The following FAM110B variants were observed in gnomAD, a reference collection of about 807,000 sequenced individuals.
The protein encoded by FAM110B is family with sequence similarity 110 member B.
FAM110B carries 6 observed loss-of-function variants against 20.4 expected under a neutral mutation model. The observed-to-expected ratio is 0.29, with a 90% CI of 0.16 to 0.58. The LOEUF (loss-of-function observed/expected upper bound fraction) is 0.58. Among genes scored for constraint, FAM110B ranks in the 20% least tolerant of loss-of-function variants. FAM110B has a pLI of 0.90. For missense variants in FAM110B, 434 were observed against 498.2 expected, an observed-to-expected ratio of 0.87 and a Z score of 1.23; for synonymous variants, 226 against 214.1, an observed-to-expected ratio of 1.06 and a Z score of -0.49.
intron 3 of FAM110B, among the ~76,000 whole-genome samples, chr8:58,098,758 A>G (rs1806698820): frequency 1.3e-5 from 2 of 151,678 alleles, no homozygotes; most frequent in South Asian, 4.2e-4. Context: ...ATAGCCCCTC[A>G]CAGCTTCCCT....
chr8:58,089,409 G>T, intron 3 of FAM110B, among the ~76,000 whole-genome samples: 1 of 152,192 alleles, frequency 6.6e-6, no homozygotes, highest in South Asian at 2.1e-4. Context: ...GGGTGCCTTG[G>T]TTTTGTGGGT....
rs1325182251 is a variant in FAM110B, at chr8:58,146,862, C to T, written c.632C>T (p.Pro211Leu). ...SDIRKVTSVK[P>L]LKAIPCSSSA... ...ATCCGCAAGGTGACCAGCGTGAAGC[C>T]CCTCAAGGCCATCCCCTGCAGTAGC... Residue 211 changes from proline to leucine, a missense_variant, in exon 4 of 4, where the codon CCC becomes CTC. This residue lies in a region of FAM110B where 284 missense variants were observed against 278.3 expected (regional missense o/e 1.02). Transcript: ENST00000519262. 1.2e-6 allele frequency: 2 copies of T among 1,613,916 alleles called. No individual in the cohort carries two copies. Among genetic ancestry groups the T allele is most frequent in the Non-Finnish European group, 1.7e-6 (2 of 1,179,928 alleles).
chr8:58,058,531 A>G (rs1175616308), intron 2 of FAM110B, among the ~76,000 whole-genome samples: 1 of 152,194 alleles, frequency 6.6e-6, no homozygotes, highest in Non-Finnish European at 1.5e-5. Context: ...ACTTTAAAAT[A>G]AGGCCTATAT....
intron 1 of FAM110B, among the ~76,000 whole-genome samples, chr8:58,001,540 A>G (rs909357833): frequency 3.3e-5 from 5 of 152,162 alleles, no homozygotes; most frequent in Admixed American, 6.6e-5. Context: ...TTTTCATTCC[A>G]GGATTCACTA....
intron 3 of FAM110B, among the ~76,000 whole-genome samples, chr8:58,090,304 C>T (rs996783285): frequency 5.3e-5 from 8 of 152,242 alleles, no homozygotes; most frequent in Middle Eastern, 3.4e-3. Flanking sequence ...AGACTACAGG[C>T]GCATGCCGCC....
At chr8:58,142,439 A>G (rs1254440997) in intron 3 of FAM110B, among the ~76,000 whole-genome samples, 6 of 152,114 alleles carry the variant, frequency 3.9e-5, no homozygotes, top group Admixed American at 3.9e-4. Context: ...GTAGTGGGAG[A>G]TAACATTGCT....
chr8:58,084,152 C>A (rs1806271171), intron 3 of FAM110B, among the ~76,000 whole-genome samples: 1 of 152,108 alleles, frequency 6.6e-6, no homozygotes, highest in Admixed American at 6.5e-5. Context: ...GTGCTTATGA[C>A]CAAGACCTTG....
chr8:58,074,249 C>G (rs1805977690), intron 2 of FAM110B, among the ~76,000 whole-genome samples: 1 of 152,120 alleles, frequency 6.6e-6, no homozygotes, highest in South Asian at 2.1e-4. Flanking sequence ...TTTGCTACCC[C>G]CCTGTAAGTA....
At chr8:58,036,594 G>T (rs1239996946) in intron 2 of FAM110B, among the ~76,000 whole-genome samples, 4 of 152,306 alleles carry the variant, frequency 2.6e-5, no homozygotes, top group African/African-American at 9.6e-5. Flanking sequence ...CCAAGTGAAA[G>T]TTTCTGAAAA....
At chr8:58,120,448 A>G (rs1807331446) in intron 3 of FAM110B, among the ~76,000 whole-genome samples, 1 of 152,214 alleles carries the variant, frequency 6.6e-6, no homozygotes, top group Admixed American at 6.5e-5. Flanking sequence ...AATAATGGAG[A>G]ATGTAGGAAT....
chr8:58,145,334 A>T (rs1400091232), intron 3 of FAM110B, among the ~76,000 whole-genome samples: 4 of 150,486 alleles, frequency 2.7e-5, no homozygotes, highest in Non-Finnish European at 5.9e-5. Flanking sequence ...TTTTTTTTAA[A>T]CTTTGTAGCT....
chr8:57,998,526 C>G (rs1381924502), intron 1 of FAM110B, among the ~76,000 whole-genome samples: 6 of 152,028 alleles, frequency 3.9e-5, no homozygotes, highest in Non-Finnish European at 8.8e-5. Flanking sequence ...TTAGGCAGAG[C>G]CTAATATAAT....
At position 58,070,589 on chromosome 8, in the gene FAM110B, C is replaced by T. The variant is rs556663029; in HGVS notation, c.-413-4946C>T. On this transcript the variant is annotated intron_variant, in intron 2 of 3. Coordinates refer to ENST00000519262, the MANE Select transcript of FAM110B (RefSeq NM_001377989.1). Reference sequence around the variant, plus strand: ...TATTCACCAAGGAATAATGTTTTTACCTGGATTCAAGAGTGCATGTGTGTG... The same window carrying T: ...TATTCACCAAGGAATAATGTTTTTATCTGGATTCAAGAGTGCATGTGTGTG... Among the ~76,000 whole-genome samples, 4 of 152,298 alleles carry T rather than the reference C, an allele frequency of 2.6e-5. No individual in the cohort carries two copies. In the South Asian group the frequency reaches 8.3e-4, roughly 32 times the overall value.
At position 58,021,072 on chromosome 8, in the gene FAM110B, T is replaced by A. The variant is rs1804743222; in HGVS notation, c.-511-10534T>A. 2.0e-5 allele frequency among the ~76,000 whole-genome samples: 3 copies of A among 152,298 alleles called. No homozygotes were observed. In the South Asian group the frequency reaches 6.2e-4, roughly 32 times the overall value. On this transcript the variant is annotated intron_variant, in intron 1 of 3. Transcript: ENST00000519262. ...TTTTTGTTGCCATCGGATGGAAGGCTTTTTTGTGCTTCTAATTAGACACAG... is the reference window on the plus strand; with the variant it reads ...TTTTTGTTGCCATCGGATGGAAGGCATTTTTGTGCTTCTAATTAGACACAG...
At chr8:58,050,228 G>A (rs570939057) in intron 2 of FAM110B, among the ~76,000 whole-genome samples, 14 of 150,966 alleles carry the variant, frequency 9.3e-5, no homozygotes, top group African/African-American at 3.4e-4. Context: ...TTTTTAACAT[G>A]TTCACATCTG....
At chr8:58,122,008 T>C (rs1248276648) in intron 3 of FAM110B, among the ~76,000 whole-genome samples, 1 of 152,208 alleles carries the variant, frequency 6.6e-6, no homozygotes, top group Admixed American at 6.5e-5. Context: ...GCACACCCTC[T>C]GTAAGCCTCC....
At chr8:58,049,198 G>A (rs890383557) in intron 2 of FAM110B, among the ~76,000 whole-genome samples, 1 of 152,058 alleles carries the variant, frequency 6.6e-6, no homozygotes, top group Non-Finnish European at 1.5e-5. Context: ...AGTAAGCTTG[G>A]TTTTGATATA....
chr8:58,078,703 A>G (rs914507514), intron 3 of FAM110B, among the ~76,000 whole-genome samples: 1 of 151,766 alleles, frequency 6.6e-6, no homozygotes, highest in Non-Finnish European at 1.5e-5. Context: ...GGCACCCGCC[A>G]CCACGCCCGG....
chr8:58,005,126 G>A (rs114346157), intron 1 of FAM110B, among the ~76,000 whole-genome samples: 1,576 of 152,282 alleles, frequency 0.01, 26 homozygotes, highest in African/African-American at 0.035. Flanking sequence ...TAAAGTGAGA[G>A]ATGTGTGACT....
Sources: gnomAD v4.1 joint callset for allele counts (sites outside exome capture counted in the v4.1 genomes callset) on GRCh38, gnomAD v4.1.1 for gene constraint, gnomAD v4.1.1 regional missense constraint, MANE v1.5 for transcripts, NCBI Gene and HGNC (gene_info 2026-07-23, HGNC 2026-07-21) for gene names.